The following ZNF804B variants were observed in gnomAD, a reference collection of about 807,000 sequenced individuals.
The protein encoded by ZNF804B is zinc finger protein 804B.
Under a neutral mutation model 101.4 loss-of-function variants are expected in ZNF804B, and 80 were observed. That is an observed-to-expected ratio of 0.79 (90% CI 0.66 to 0.95). ZNF804B has a LOEUF of 0.95. ZNF804B is among the 40% of genes least tolerant of loss of function. The pLI is 0.00. For synonymous variants in ZNF804B, 622 were observed against 558.8 expected, an observed-to-expected ratio of 1.11 and a Z score of -1.59; for missense variants, 1,673 against 1,561.9, an observed-to-expected ratio of 1.07 and a Z score of -1.20.
At chr7:89,007,527 T>C (rs7458424) in intron 1 of ZNF804B, among the ~76,000 whole-genome samples, 38 of 55,720 alleles carry the variant, frequency 6.8e-4, no homozygotes, top group Non-Finnish European at 1.2e-3. Flanking sequence ...TAATATAATA[T>C]ATCTATTATA....
intron 1 of ZNF804B, among the ~76,000 whole-genome samples, chr7:89,174,092 C>T (rs939829327): frequency 2.0e-5 from 3 of 151,806 alleles, no homozygotes; most frequent in African/African-American, 7.3e-5. Context: ...ACAGACATTC[C>T]GATTATACTG....
intron 2 of ZNF804B, among the ~76,000 whole-genome samples, chr7:89,229,511 A>G (rs1420853046): frequency 1.3e-5 from 2 of 152,262 alleles, no homozygotes; most frequent in South Asian, 2.1e-4. Context: ...CCAAGAAGAC[A>G]TAATCTTTTA....
chr7:88,857,107 A>G (rs996894612), intron 1 of ZNF804B, among the ~76,000 whole-genome samples: 1 of 152,132 alleles, frequency 6.6e-6, no homozygotes, highest in Non-Finnish European at 1.5e-5. Flanking sequence ...GACACATTCA[A>G]AGCAGTGCGT....
intron 1 of ZNF804B, among the ~76,000 whole-genome samples, chr7:89,039,693 G>A (rs1212579408): frequency 6.6e-6 from 1 of 151,198 alleles, no homozygotes; most frequent in Non-Finnish European, 1.5e-5. Flanking sequence ...TTTCAGTATA[G>A]CATTGCAATA....
chr7:88,778,600 T>A (rs1790180707), intron 1 of ZNF804B, among the ~76,000 whole-genome samples: 1 of 152,214 alleles, frequency 6.6e-6, no homozygotes, highest in African/African-American at 2.4e-5. Context: ...GTTGGGGACA[T>A]TGTCTTCATC....
chr7:88,938,687 G>A (rs1793009680), intron 1 of ZNF804B, among the ~76,000 whole-genome samples: 3 of 151,996 alleles, frequency 2.0e-5, no homozygotes. Flanking sequence ...TAGAGCAAAA[G>A]TGGAAGTCTC....
At chr7:89,217,900 C>T (rs907621410) in intron 1 of ZNF804B, among the ~76,000 whole-genome samples, 1 of 152,076 alleles carries the variant, frequency 6.6e-6, no homozygotes, top group Non-Finnish European at 1.5e-5. Context: ...ACAATCACAA[C>T]CTAGAAATGG....
intron 1 of ZNF804B, among the ~76,000 whole-genome samples, chr7:89,065,352 A>G (rs893381956): frequency 3.9e-5 from 6 of 152,120 alleles, no homozygotes; most frequent in African/African-American, 1.2e-4. Flanking sequence ...TTGGAGTCCC[A>G]TGTTACCAGC....
At chr7:89,085,965 CTTTTACACTTCACAT>C (rs1487098409) in intron 1 of ZNF804B, among the ~76,000 whole-genome samples, 2 of 151,872 alleles carry the variant, frequency 1.3e-5, no homozygotes, top group Non-Finnish European at 2.9e-5. Context: ...CATTTTTTCT[CTTTTACACTTCACAT>C]TTTTGCAAAT....
intron 1 of ZNF804B, among the ~76,000 whole-genome samples, chr7:89,026,868 G>A (rs543705886): frequency 6.6e-6 from 1 of 152,174 alleles, no homozygotes; most frequent in Non-Finnish European, 1.5e-5. Context: ...TGAATATGGT[G>A]GTCTGGCTCT....
chr7:88,880,220 C>T (rs567313624), intron 1 of ZNF804B, among the ~76,000 whole-genome samples: 31 of 152,234 alleles, frequency 2.0e-4, no homozygotes, highest in South Asian at 1.9e-3. Context: ...TATAAAGAGG[C>T]TGAGTTGTGC....
intron 1 of ZNF804B, among the ~76,000 whole-genome samples, chr7:88,763,012 A>G (rs1294807065): frequency 6.6e-6 from 1 of 152,334 alleles, no homozygotes; most frequent in Middle Eastern, 3.4e-3. Context: ...TACAGAAAGG[A>G]GAAAGCTACA....
At chr7:89,173,515 A>C (rs1040432852) in intron 1 of ZNF804B, among the ~76,000 whole-genome samples, 1 of 152,104 alleles carries the variant, frequency 6.6e-6, no homozygotes, top group African/African-American at 2.4e-5. Context: ...ATTTAGTTTC[A>C]AACTAGAATT....
chr7:89,270,848 C>T (rs1789881729), intron 2 of ZNF804B, among the ~76,000 whole-genome samples: 1 of 152,228 alleles, frequency 6.6e-6, no homozygotes, highest in East Asian at 1.9e-4. Flanking sequence ...GGAGTTCACT[C>T]ATGATTTGGC....
intron 1 of ZNF804B, among the ~76,000 whole-genome samples, chr7:88,832,339 A>T (rs1229792031): frequency 1.3e-5 from 2 of 152,032 alleles, no homozygotes; most frequent in African/African-American, 4.8e-5. Context: ...CTTAAAACAC[A>T]TACTGAATGT....
intron 1 of ZNF804B, among the ~76,000 whole-genome samples, chr7:88,768,365 T>G (rs1790013924): frequency 6.6e-6 from 1 of 152,254 alleles, no homozygotes; most frequent in Non-Finnish European, 1.5e-5. Flanking sequence ...ATATTTATAT[T>G]GAAATTAGTG....
At chr7:89,324,235 C>T (rs1237633193) in intron 2 of ZNF804B, among the ~76,000 whole-genome samples, 1 of 151,662 alleles carries the variant, frequency 6.6e-6, no homozygotes, top group African/African-American at 2.4e-5. Flanking sequence ...CAGTGGGTAT[C>T]CATTTTCACT....
At chr7:89,088,564 G>T (rs867784725) in intron 1 of ZNF804B, among the ~76,000 whole-genome samples, 2 of 149,880 alleles carry the variant, frequency 1.3e-5, no homozygotes, top group Middle Eastern at 3.2e-3. Flanking sequence ...CATCGCCCTA[G>T]GTCCTTGCAC....
intron 1 of ZNF804B, among the ~76,000 whole-genome samples, chr7:88,799,260 T>C (rs1042578628): frequency 3.3e-5 from 5 of 152,116 alleles, no homozygotes; most frequent in African/African-American, 9.6e-5. Context: ...TTATTTACCA[T>C]GTGCCATGCA....
Sources: gnomAD v4.1 joint callset for allele counts (sites outside exome capture counted in the v4.1 genomes callset) on GRCh38, gnomAD v4.1.1 for gene constraint, MANE v1.5 for transcripts, NCBI Gene and HGNC (gene_info 2026-07-23, HGNC 2026-07-21) for gene names.